Variants in ZRSR2 observed in about 807,000 individuals in gnomAD.
The protein encoded by ZRSR2 is zinc finger CCCH-type, RNA binding motif and serine/arginine rich 2.
In ZRSR2, 3 loss-of-function variants were observed where a neutral mutation model predicts 39.4. The observed-to-expected ratio is 0.08, with a 90% confidence interval of 0.03 to 0.20. The LOEUF (loss-of-function observed/expected upper bound fraction) is 0.20. ZRSR2 is among the 10% of genes least tolerant of loss of function. The pLI is 1.00. For synonymous variants in ZRSR2, 137 were observed against 136.0 expected (o/e 1.01, Z -0.05); for missense variants, 256 against 391.5 (o/e 0.65, Z 2.92).
In ZRSR2 at chrX:15,815,704, A is replaced by G. The variant is rs1399044148; in HGVS notation, c.585A>G (p.Thr195=). ...GTTCACGTAAACATAATTTCCCAACATCCAGTCCTACCCTTCTTATTAAGA... is the reference window on the plus strand; with the variant it reads ...GTTCACGTAAACATAATTTCCCAACGTCCAGTCCTACCCTTCTTATTAAGA... ...DRCSRKHNFP[T]SSPTLLIKSM... The change falls in exon 8 of 11, where the codon ACA becomes ACG. Residue 195 remains threonine, a synonymous_variant. Coordinates refer to ENST00000307771, the MANE Select transcript of ZRSR2 (RefSeq NM_005089.4). 1 of 1,206,533 alleles carries G rather than the reference A, an allele frequency of 8.3e-7. No homozygotes were observed. Among genetic ancestry groups the G allele is most frequent in the East Asian group, 3.0e-5 (1 of 33,752 alleles).
chrX:15,812,450 T>C (rs60556589), intron 7 of ZRSR2, among the ~76,000 whole-genome samples: 1,650 of 111,958 alleles, frequency 0.015, 25 homozygotes, highest in African/African-American at 0.051. Context: ...ATCGTACAGC[T>C]GTTCTGTTCT....
chrX:15,821,530 T>C (rs1034908535), intron 10 of ZRSR2, among the ~76,000 whole-genome samples: 1 of 110,840 alleles, frequency 9.0e-6, no homozygotes, highest in Non-Finnish European at 1.9e-5. Flanking sequence ...GTCACAAATA[T>C]GATTTGCAGA....
Position 15,804,143 on chromosome X carries a change from G to A in ZRSR2, c.345G>A (p.Gln115=). 8 of 1,196,261 alleles carry A rather than the reference G, an allele frequency of 6.7e-6. No individual in the cohort carries two copies. Among genetic ancestry groups the A allele is most frequent in the Non-Finnish European group, 9.0e-6 (8 of 889,076 alleles). Residue 115 remains glutamine (Q), a synonymous_variant, in exon 5 of 11, where the codon CAG becomes CAA. Coordinates refer to ENST00000307771, the MANE Select transcript of ZRSR2 (RefSeq NM_005089.4). ...RKLKEQWEEQ[Q]RKEREEEEQK... The stretch of plus-strand genomic sequence containing the variant: ...TAAAGGAACAATGGGAAGAACAGCA[G>A]AGGAAAGAGAGAGAAGAGGAGGAGC...
At chrX:15,812,978 T>C (rs57510148) in intron 7 of ZRSR2, among the ~76,000 whole-genome samples, 1,981 of 112,398 alleles carry the variant, frequency 0.018, 39 homozygotes, top group African/African-American at 0.058. Flanking sequence ...ATAGATGCTT[T>C]ATAACAGTTG....
chrX:15,816,741 A>AT lies in ZRSR2; in HGVS notation c.771+859dup, dbSNP rs1233030308. On this transcript the variant is annotated intron_variant, in intron 8 of 10. Coordinates refer to ENST00000307771, the MANE Select transcript of ZRSR2 (RefSeq NM_005089.4). ...GGGAAAAGACAGGAATAGAACCGTG[A>AT]TTTTTTTTCCTGCAAGTTGCAAATG... Among the ~76,000 whole-genome samples the AT allele has an allele frequency of 2.7e-5, 3 of 111,168 alleles. No individual in the cohort carries two copies. In the East Asian group the frequency reaches 8.4e-4, roughly 31 times the overall value.
intron 9 of ZRSR2, among the ~76,000 whole-genome samples, chrX:15,819,628 A>G (rs1201520739): frequency 9.0e-6 from 1 of 111,677 alleles, no homozygotes; most frequent in Non-Finnish European, 1.9e-5. Flanking sequence ...TTATATATTT[A>G]CATAGTTTTG....
At chrX:15,818,800 C>A (rs192422195) in intron 9 of ZRSR2, among the ~76,000 whole-genome samples, 158 bp downstream of exon 9, 2 of 110,311 alleles carry the variant, frequency 1.8e-5, no homozygotes, top group African/African-American at 6.6e-5. Flanking sequence ...GACGGAGTTT[C>A]GCTCTTGTTG....
At chrX:15,800,186 CTTTT>C (rs752445746) in intron 3 of ZRSR2, among the ~76,000 whole-genome samples, 1 of 79,306 alleles carries the variant, frequency 1.3e-5, no homozygotes. Flanking sequence ...TTTTTTCTTT[CTTTT>C]TTTTTTTTTT....
chrX:15,806,952 A>G (rs906528158), intron 5 of ZRSR2, among the ~76,000 whole-genome samples: 6 of 111,943 alleles, frequency 5.4e-5, no homozygotes, highest in Admixed American at 9.5e-5. Flanking sequence ...TAGACTGGCA[A>G]CACTATTCAC....
intron 7 of ZRSR2, among the ~76,000 whole-genome samples, chrX:15,812,028 C>T (rs189692117): frequency 2.7e-5 from 3 of 111,387 alleles, no homozygotes; most frequent in East Asian, 2.8e-4. Flanking sequence ...CTCCTGGGTT[C>T]GCGCCATTCT....
chrX:15,812,038 T>C (rs1932892987), intron 7 of ZRSR2, among the ~76,000 whole-genome samples: 1 of 111,528 alleles, frequency 9.0e-6, no homozygotes, highest in South Asian at 3.7e-4. Flanking sequence ...CGCGCCATTC[T>C]CCTGCCTCAG....
chrX:15,818,910 A>G (rs1382539089), intron 9 of ZRSR2, among the ~76,000 whole-genome samples: 1 of 108,499 alleles, frequency 9.2e-6, no homozygotes, highest in Non-Finnish European at 1.9e-5. Flanking sequence ...AGCTGGGATT[A>G]CAGGTGCCTG....
chrX:15,822,691 A>G (rs753936162), intron 10 of ZRSR2, 40 bp from the exon 11 acceptor site: 1 of 1,211,309 alleles, frequency 8.3e-7, no homozygotes, highest in South Asian at 1.8e-5. Flanking sequence ...TCTTCAGAAT[A>G]TGCAGTGATA....
chrX:15,791,105 A>T (rs765897926), intron 2 of ZRSR2, 92 bp downstream of exon 2: 90 of 813,324 alleles, frequency 1.1e-4, no homozygotes, highest in Non-Finnish European at 1.5e-4. Context: ...AGGAAGTCAA[A>T]TATTGTGTCG....
At chrX:15,798,485 C>G (rs1052326410) in intron 2 of ZRSR2, among the ~76,000 whole-genome samples, 2 of 111,928 alleles carry the variant, frequency 1.8e-5, no homozygotes. Context: ...TAAAGAGATA[C>G]ATACATAGAA....
In ZRSR2 at chrX:15,818,394, A is replaced by G. The variant is rs748379718; in HGVS notation, c.772-193A>G. Among the ~76,000 whole-genome samples the G allele has an allele frequency of 2.7e-5, 3 of 112,669 alleles. No homozygotes were observed. The Admixed American group carries it at 2.8e-4, about 11-fold the overall frequency. On this transcript the variant is annotated intron_variant, in intron 8 of 10. Transcript: ENST00000307771. ...TATTTGTGGGAGAAAACAGACCTGG[A>G]CCAACAGGGATCAGGCACGCTGCCA...
At position 15,822,863 on chromosome X, in the gene ZRSR2, T is replaced by C. The variant is rs1933144258; in HGVS notation, c.1070T>C (p.Phe357Ser). 5.0e-6 allele frequency: 6 copies of C among 1,210,653 alleles called. No individual in the cohort carries two copies. Among genetic ancestry groups the C allele is most frequent in the Middle Eastern group, 2.3e-4 (1 of 4,372 alleles). The change falls in exon 11 of 11, where the codon TTT (phenylalanine) becomes TCT (serine). Residue 357 changes from phenylalanine to serine, a missense_variant. Transcript: ENST00000307771. ...TCTCCAGATCGGACTGGCTCCTCCT[T>C]TGGGAAGAACTCCGAAAGGAGGGAG... is the stretch of plus-strand genomic sequence containing the variant. ...YLSPDRTGSS[F>S]GKNSERRERM...
At chrX:15,800,507 GA>G (rs1056765356) in intron 3 of ZRSR2, among the ~76,000 whole-genome samples, 43 of 108,705 alleles carry the variant, frequency 4.0e-4, no homozygotes, top group Non-Finnish European at 7.1e-4. Flanking sequence ...TTTGAAAACA[GA>G]AAAAAAACAA....
intron 2 of ZRSR2, among the ~76,000 whole-genome samples, chrX:15,794,012 T>TA (rs1167538610): frequency 1.8e-5 from 2 of 112,416 alleles, no homozygotes; most frequent in Non-Finnish European, 3.8e-5. Flanking sequence ...CCATTCTACT[T>TA]CAGATAACTG....
Sources: gnomAD v4.1 joint callset for allele counts (sites outside exome capture counted in the v4.1 genomes callset) on GRCh38, gnomAD v4.1.1 for gene constraint, MANE v1.5 for transcripts, NCBI Gene and HGNC (gene_info 2026-07-23, HGNC 2026-07-21) for gene names.